The following PLXNA4 variants were observed in gnomAD, a reference collection of about 807,000 sequenced individuals.
The protein encoded by PLXNA4 is plexin A4, also known as plexin-A4.
PLXNA4 carries 44 observed loss-of-function variants against 191.8 expected under a neutral mutation model. The observed-to-expected ratio is 0.23, with a 90% CI of 0.18 to 0.29. The LOEUF (loss-of-function observed/expected upper bound fraction) is 0.29. PLXNA4 is among the 10% of genes least tolerant of loss of function. PLXNA4 has a pLI of 1.00. For missense variants in PLXNA4, 1,800 were observed against 2,488.8 expected, an observed-to-expected ratio of 0.72 and a Z score of 5.89; for synonymous variants, 1,082 against 1,009.5, an observed-to-expected ratio of 1.07 and a Z score of -1.36.
At chr7:132,365,354 T>C (rs1007789284) in intron 3 of PLXNA4, among the ~76,000 whole-genome samples, 19 of 125,928 alleles carry the variant, frequency 1.5e-4, no homozygotes, top group African/African-American at 6.0e-4. Context: ...TGTGTGTGTG[T>C]GTGTGTGCGT....
intron 2 of PLXNA4, among the ~76,000 whole-genome samples, chr7:132,597,708 C>T (rs934618737): frequency 6.6e-6 from 1 of 152,036 alleles, no homozygotes; most frequent in African/African-American, 2.4e-5. Flanking sequence ...TGTTTGTATG[C>T]ATTCTTGTAA....
rs781491718 is a variant in PLXNA4 at position 132,203,498 on chromosome 7, C to T, written c.2299-79G>A. 161 of 1,287,398 alleles carry T rather than the reference C, an allele frequency of 1.3e-4. 2 individuals carry two copies. Among genetic ancestry groups the T allele is most frequent in the African/African-American group, 4.7e-4 (32 of 68,444 alleles). 79.7% of individuals were successfully genotyped at this position (1,287,398 alleles called of 1,614,324 possible). ...AGAGAGGGCCCAAATGATCAGCCTA[C>T]GGCCGTTAAGAGCTCACAGGCTAAA... On this transcript the variant is annotated intron_variant, in intron 10 of 31. Coordinates refer to ENST00000321063, the MANE Select transcript of PLXNA4 (RefSeq NM_020911.2).
chr7:132,407,401 A>G (rs545591412), intron 3 of PLXNA4, among the ~76,000 whole-genome samples: 1 of 152,282 alleles, frequency 6.6e-6, no homozygotes, highest in Admixed American at 6.5e-5. Flanking sequence ...TGTGTTTTTG[A>G]GTCCATTGAT....
intron 10 of PLXNA4, among the ~76,000 whole-genome samples, chr7:132,205,625 G>T (rs1797591465): frequency 6.6e-6 from 1 of 152,146 alleles, no homozygotes; most frequent in Non-Finnish European, 1.5e-5. Flanking sequence ...AGTGGGGAAA[G>T]GTGATCTCAC....
chr7:132,396,781 C>T (rs576732348), intron 3 of PLXNA4, among the ~76,000 whole-genome samples: 2 of 152,368 alleles, frequency 1.3e-5, no homozygotes, highest in South Asian at 2.1e-4. Context: ...TGTGAGCCAC[C>T]GCGCCTGGCC....
At chr7:132,270,884 T>C (rs192157641) in intron 4 of PLXNA4, among the ~76,000 whole-genome samples, 99 of 152,330 alleles carry the variant, frequency 6.5e-4, no homozygotes, top group African/African-American at 2.0e-3. Flanking sequence ...TAGAGAATTA[T>C]AGAAAAATGT....
At chr7:132,623,711 C>A (rs1264952023) in intron 2 of PLXNA4, among the ~76,000 whole-genome samples, 1 of 152,196 alleles carries the variant, frequency 6.6e-6, no homozygotes, top group East Asian at 1.9e-4. Context: ...TGGGGCTCTA[C>A]AGAGAACAGT....
chr7:132,595,853 C>T lies in PLXNA4; in HGVS notation c.-87+50075G>A, dbSNP rs141355477. Reference sequence around the variant, plus strand: ...GTTATCATCTTGTCACATTTGTAGACATCATGAAATTTCACTTCTGGACCC... The same window carrying T: ...GTTATCATCTTGTCACATTTGTAGATATCATGAAATTTCACTTCTGGACCC... On this transcript the variant is annotated intron_variant, in intron 2 of 4. Transcript: ENST00000378539. Among the ~76,000 whole-genome samples the T allele has an allele frequency of 3.7e-3, 563 of 152,330 alleles. 5 individuals are homozygous for T. Among genetic ancestry groups the T allele is most frequent in the African/African-American group, 0.013 (540 of 41,582 alleles).
At chr7:132,628,148 G>C (rs1289603583) in intron 2 of PLXNA4, among the ~76,000 whole-genome samples, 1 of 152,182 alleles carries the variant, frequency 6.6e-6, no homozygotes, top group African/African-American at 2.4e-5. Context: ...AATACTTTGA[G>C]ATCTGCCTTC....
At chr7:132,330,728 G>A (rs1043007594) in intron 3 of PLXNA4, among the ~76,000 whole-genome samples, 2 of 152,062 alleles carry the variant, frequency 1.3e-5, no homozygotes, top group Non-Finnish European at 2.9e-5. Flanking sequence ...TGAATCTACT[G>A]GAATCACAAG....
At chr7:132,336,634 C>T (rs1457680270) in intron 3 of PLXNA4, among the ~76,000 whole-genome samples, 1 of 152,138 alleles carries the variant, frequency 6.6e-6, no homozygotes, top group East Asian at 1.9e-4. Context: ...AGGGTGGCCA[C>T]CACCACCCCC....
At chr7:132,221,576 C>T (rs1451297443) in intron 9 of PLXNA4, among the ~76,000 whole-genome samples, 1 of 152,190 alleles carries the variant, frequency 6.6e-6, no homozygotes, top group Admixed American at 6.5e-5. Context: ...ACTGTGCAGC[C>T]TTTTATCAAG....
Position 132,298,163 on chromosome 7 carries a change from G to C in PLXNA4, c.1431C>G (p.Asp477Glu). Residue 477 changes from aspartate (D) to glutamate (E), a missense_variant, in exon 4 of 32, where the codon GAC (aspartate) becomes GAG (glutamate). Coordinates refer to ENST00000321063, the MANE Select transcript of PLXNA4 (RefSeq NM_020911.2). ...ALQYETVQVV[D>E]PGPVLRDMAF... ...CCATATCCCGGAGGACTGGGCCGGG[G>C]TCCACCACCTGCACCGTCTCATACT... The C allele has an allele frequency of 1.2e-6, 2 of 1,614,178 alleles. No homozygotes were observed. Among genetic ancestry groups the C allele is most frequent in the Middle Eastern group, 1.6e-4 (1 of 6,062 alleles).
rs569739814 is a variant in PLXNA4, at chr7:132,166,708, G to A, written c.4287-1508C>T. ...CAAGAGCATCCAGGAGAACAGGAACGGAAAACAAGGGGAGGAGACACAGAG... is the reference window on the plus strand; with the variant it reads ...CAAGAGCATCCAGGAGAACAGGAACAGAAAACAAGGGGAGGAGACACAGAG... On this transcript the variant is annotated intron_variant, in intron 22 of 31. Coordinates refer to ENST00000321063, the MANE Select transcript of PLXNA4 (RefSeq NM_020911.2). Among the ~76,000 whole-genome samples the A allele has an allele frequency of 3.5e-4, 53 of 151,912 alleles. 1 individual carries two copies. The highest frequency in any genetic ancestry group is 3.4e-3 in the Middle Eastern group (1 of 294).
At chr7:132,154,666 G>A (rs1043006395) in intron 25 of PLXNA4, among the ~76,000 whole-genome samples, 12 of 152,118 alleles carry the variant, frequency 7.9e-5, no homozygotes, top group African/African-American at 2.9e-4. Context: ...GTGGAACACA[G>A]GGCTCTGGCA....
chr7:132,626,888 A>G (rs2116873784), intron 2 of PLXNA4, among the ~76,000 whole-genome samples: 1 of 152,306 alleles, frequency 6.6e-6, no homozygotes, highest in East Asian at 1.9e-4. Context: ...GTGAGCCTGC[A>G]TCACAGAACA....
chr7:132,221,770 G>A (rs771461293), intron 9 of PLXNA4, among the ~76,000 whole-genome samples: 1 of 152,160 alleles, frequency 6.6e-6, no homozygotes, highest in African/African-American at 2.4e-5. Context: ...TTTCCTGACT[G>A]TGAATCCATA....
intron 22 of PLXNA4, among the ~76,000 whole-genome samples, chr7:132,166,051 G>T (rs999648364): frequency 6.6e-5 from 10 of 152,036 alleles, no homozygotes; most frequent in African/African-American, 2.2e-4. Context: ...ACAAAAATTA[G>T]CTGGGCGTGG....
intron 4 of PLXNA4, among the ~76,000 whole-genome samples, chr7:132,260,601 A>G (rs10253794): frequency 0.57 from 85,961 of 151,590 alleles, 25,290 homozygotes; most frequent in African/African-American, 0.72. Flanking sequence ...TCATTTGTAC[A>G]CCAAACTTCA....
Sources: allele counts gnomAD v4.1 joint callset (sites outside exome capture counted in the v4.1 genomes callset), GRCh38; gene constraint gnomAD v4.1.1; transcripts MANE v1.5; gene names NCBI Gene and HGNC (gene_info 2026-07-23, HGNC 2026-07-21).